DENND1A: variants seen among roughly 807,000 people sequenced by gnomAD.
DENND1A encodes DENN domain containing 1A.
Under a neutral mutation model 113.7 loss-of-function variants are expected in DENND1A, and 51 were observed. That is an observed-to-expected ratio of 0.45 (90% CI 0.36 to 0.57). DENND1A has a LOEUF of 0.57. Among genes scored for constraint, DENND1A ranks in the 20% least tolerant of loss-of-function variants. The probability of loss-of-function intolerance (pLI) is 0.00; values close to 1 mark genes in which losing one functional copy is unlikely to be tolerated. For synonymous variants in DENND1A, 565 were observed against 570.8 expected (o/e 0.99, Z 0.14); for missense variants, 1,258 against 1,395.9 (o/e 0.90, Z 1.57).
intron 2 of DENND1A, among the ~76,000 whole-genome samples, chr9:123,805,612 T>C (rs1034136752): frequency 6.6e-6 from 1 of 152,094 alleles, no homozygotes; most frequent in South Asian, 2.1e-4. Flanking sequence ...TTTTGAATTA[T>C]TATTAGAGTC....
At chr9:123,528,233 A>G (rs2055005328) in intron 13 of DENND1A, among the ~76,000 whole-genome samples, 1 of 152,220 alleles carries the variant, frequency 6.6e-6, no homozygotes, top group Non-Finnish European at 1.5e-5. Context: ...AATTAGAGGA[A>G]CTAAGTTTTG....
At chr9:123,771,664 C>T (rs537231285) in intron 3 of DENND1A, among the ~76,000 whole-genome samples, 5 of 152,282 alleles carry the variant, frequency 3.3e-5, no homozygotes, top group Admixed American at 2.6e-4. Flanking sequence ...TCAAAGGAAT[C>T]TAATATGCCC....
chr9:123,537,620 T>C (rs1453956533), intron 13 of DENND1A, among the ~76,000 whole-genome samples: 1 of 151,300 alleles, frequency 6.6e-6, no homozygotes, highest in African/African-American at 2.4e-5. Context: ...TCTAATAAAA[T>C]TGCTGAACTT....
intron 19 of DENND1A, among the ~76,000 whole-genome samples, chr9:123,425,886 A>C (rs969907454): frequency 1.3e-5 from 2 of 152,228 alleles, no homozygotes; most frequent in African/African-American, 4.8e-5. Context: ...GAAGAGGAAA[A>C]TCATTCCTGG....
intron 11 of DENND1A, among the ~76,000 whole-genome samples, chr9:123,588,476 C>T (rs1446425144): frequency 5.3e-5 from 8 of 150,500 alleles, no homozygotes; most frequent in East Asian, 4.0e-4. Context: ...AAAAATTAGC[C>T]GGGTGTGGTG....
At chr9:123,911,424 C>A (rs181049663) in intron 1 of DENND1A, among the ~76,000 whole-genome samples, 3 of 152,278 alleles carry the variant, frequency 2.0e-5, no homozygotes, top group Admixed American at 1.3e-4. Context: ...GGGTATAAAC[C>A]TAACAGAAAG....
At chr9:123,692,251 G>A (rs1255847111) in intron 5 of DENND1A, among the ~76,000 whole-genome samples, 3 of 152,194 alleles carry the variant, frequency 2.0e-5, no homozygotes, top group Non-Finnish European at 4.4e-5. Flanking sequence ...TGTTATGACT[G>A]TTAGGTAGAT....
chr9:123,549,932 A>C (rs2056938659), intron 13 of DENND1A, among the ~76,000 whole-genome samples: 1 of 152,218 alleles, frequency 6.6e-6, no homozygotes, highest in African/African-American at 2.4e-5. Flanking sequence ...ACCAAAAACA[A>C]ATCCGAAAAC....
intron 12 of DENND1A, among the ~76,000 whole-genome samples, chr9:123,574,712 C>G (rs1013486264): frequency 6.6e-6 from 1 of 152,144 alleles, no homozygotes; most frequent in East Asian, 1.9e-4. Flanking sequence ...TCCCTCTTTT[C>G]CACTTATCAC....
intron 12 of DENND1A, among the ~76,000 whole-genome samples, chr9:123,580,986 T>C (rs991909587): frequency 3.3e-5 from 5 of 152,066 alleles, no homozygotes; most frequent in African/African-American, 4.8e-5. Context: ...CTCCTCTCTG[T>C]AGAAAGGAGA....
At chr9:123,733,799 G>C (rs1222153045) in intron 5 of DENND1A, among the ~76,000 whole-genome samples, 1 of 151,436 alleles carries the variant, frequency 6.6e-6, no homozygotes, top group Non-Finnish European at 1.5e-5. Context: ...CCAAGCAGCT[G>C]AGACTACAGG....
chr9:123,646,980 G>A (rs1442980730), intron 9 of DENND1A, among the ~76,000 whole-genome samples: 1 of 152,094 alleles, frequency 6.6e-6, no homozygotes, highest in Admixed American at 6.5e-5. Flanking sequence ...TAGAATTCTA[G>A]GTTAGAAATC....
At chr9:123,805,591 G>T (rs1173009340) in intron 2 of DENND1A, among the ~76,000 whole-genome samples, 1 of 151,900 alleles carries the variant, frequency 6.6e-6, no homozygotes, top group Admixed American at 6.6e-5. Context: ...CTGCCACCAT[G>T]CCCAGCTAAT....
chr9:123,454,676 G>A, intron 16 of DENND1A, 63 bp downstream of exon 16: 1 of 1,500,276 alleles, frequency 6.7e-7, no homozygotes, highest in Non-Finnish European at 9.1e-7. Flanking sequence ...GCACAGGGAA[G>A]CGGAAGGCTG....
intron 9 of DENND1A, among the ~76,000 whole-genome samples, chr9:123,638,532 C>T (rs1241230408): frequency 2.0e-5 from 3 of 152,128 alleles, no homozygotes; most frequent in Non-Finnish European, 4.4e-5. Context: ...TGCAGTGGTG[C>T]AATCTTGGCT....
At chr9:123,423,924 T>C (rs2131881423) in intron 19 of DENND1A, among the ~76,000 whole-genome samples, 1 of 152,292 alleles carries the variant, frequency 6.6e-6, no homozygotes, top group South Asian at 2.1e-4. Context: ...GTAAAGTTGG[T>C]TTAGCATAAT....
intron 9 of DENND1A, among the ~76,000 whole-genome samples, chr9:123,642,701 G>C (rs536296370): frequency 6.6e-6 from 1 of 152,158 alleles, no homozygotes; most frequent in East Asian, 1.9e-4. Flanking sequence ...TTGTTCCTAC[G>C]GCTGGAACAT....
intron 5 of DENND1A, among the ~76,000 whole-genome samples, chr9:123,709,357 G>C (rs1247507952): frequency 6.6e-6 from 1 of 152,146 alleles, no homozygotes; most frequent in Non-Finnish European, 1.5e-5. Context: ...TTCTCGTAAT[G>C]ATCAAGCACT....
rs139671656 is a variant in DENND1A, at chr9:123,893,327, G to T, written c.18-14306C>A. Among the ~76,000 whole-genome samples the T allele has an allele frequency of 5.9e-5, 9 of 152,268 alleles. No homozygotes were observed. In the East Asian group the frequency reaches 1.7e-3, roughly 29 times the overall value. ...CTATGCTACAGCTCAGCATGCCACT[G>T]CATAGTTTAAAAAAGAAAAGACAAA... On this transcript the variant is annotated intron_variant, in intron 1 of 23. Coordinates refer to ENST00000394215, the MANE Select transcript of DENND1A (RefSeq NM_001352964.2).
Sources: allele counts gnomAD v4.1 joint callset (sites outside exome capture counted in the v4.1 genomes callset), GRCh38; gene constraint gnomAD v4.1.1; transcripts MANE v1.5; gene names NCBI Gene and HGNC (gene_info 2026-07-23, HGNC 2026-07-21).